CFAP184: variants seen among roughly 807,000 people sequenced by gnomAD.
CFAP184 encodes cilia and flagella associated protein 184.
At chr4:7,041,545 G>T in the CFAP184 span, 2 of 1,614,232 alleles carry the variant, frequency 1.2e-6, no homozygotes, top group Non-Finnish European at 1.7e-6. Context: ...CTCGATTTCT[G>T]CCAGCTGTGT....
chr4:7,042,383 C>G, the CFAP184 span: 1 of 1,612,110 alleles, frequency 6.2e-7, no homozygotes, highest in South Asian at 1.1e-5. Flanking sequence ...CCTTCCCCAT[C>G]CCTCTCCTTG....
chr4:7,041,497 G>T, the CFAP184 span: 1 of 1,614,220 alleles, frequency 6.2e-7, no homozygotes, highest in Non-Finnish European at 8.5e-7. Context: ...GGCTTGCTTC[G>T]TCTTGGTCAG....
chr4:7,042,702 C>A, the CFAP184 span: 3 of 1,512,136 alleles, frequency 2.0e-6, no homozygotes, highest in Middle Eastern at 2.0e-4. Context: ...CCTCCTCGCC[C>A]GCAGCCTCGG....
At chr4:7,041,431 C>A in the CFAP184 span, 17 of 1,614,118 alleles carry the variant, frequency 1.1e-5, no homozygotes, top group Non-Finnish European at 1.4e-5. Context: ...TGAGTCCTTG[C>A]CTAGAAGGCC....
the CFAP184 span, chr4:7,041,554 G>C: frequency 6.2e-7 from 1 of 1,614,248 alleles, no homozygotes; most frequent in Non-Finnish European, 8.5e-7. Context: ...TGCCAGCTGT[G>C]TCTTTTTGCA....
chr4:7,041,391 G>C, the CFAP184 span: 2 of 1,614,106 alleles, frequency 1.2e-6, no homozygotes, highest in Non-Finnish European at 1.7e-6. Context: ...GTTCGGTCTT[G>C]TCCACCTTTT....
At chr4:7,041,711 G>C in the CFAP184 span, 9 of 1,614,198 alleles carry the variant, frequency 5.6e-6, no homozygotes, top group South Asian at 6.6e-5. Context: ...ATCTTCAGCT[G>C]TTCAAAGTCA....
chr4:7,042,710 C>G, the CFAP184 span: 1 of 1,513,822 alleles, frequency 6.6e-7, no homozygotes, highest in South Asian at 1.2e-5. Flanking sequence ...CCCGCAGCCT[C>G]GGCTGCCGTT....
chr4:7,042,531 C>T, the CFAP184 span: 7 of 1,598,552 alleles, frequency 4.4e-6, no homozygotes, highest in Admixed American at 6.8e-5. Flanking sequence ...ACCTGACTTC[C>T]TTCCCCTCTG....
At chr4:7,042,869 G>A in the CFAP184 span, 2 of 1,568,148 alleles carry the variant, frequency 1.3e-6, no homozygotes, top group Admixed American at 1.8e-5. Context: ...TTGGACGGCC[G>A]CGCGGCCAGG....
At chr4:7,042,029 A>G in the CFAP184 span, 1 of 1,610,940 alleles carries the variant, frequency 6.2e-7, no homozygotes, top group Non-Finnish European at 8.5e-7. Context: ...TGGTGGTACC[A>G]CTGCAGGTCG....
At chr4:7,041,850 C>A in the CFAP184 span, 1 of 1,610,090 alleles carries the variant, frequency 6.2e-7, no homozygotes, top group Non-Finnish European at 8.5e-7. Context: ...TATCCTCCAA[C>A]GCCTGGATCT....
the CFAP184 span, chr4:7,042,123 GC>G: frequency 6.2e-7 from 1 of 1,606,634 alleles, no homozygotes. Context: ...CGGCCTCTGC[GC>G]CCCGGTCAGC....
chr4:7,042,364 G>C, the CFAP184 span: 4 of 1,610,356 alleles, frequency 2.5e-6, no homozygotes, highest in Non-Finnish European at 3.4e-6. Context: ...CTGGCTTTTG[G>C]CCGGGCGTCC....
At chr4:7,042,366 C>A in the CFAP184 span, 3 of 1,610,562 alleles carry the variant, frequency 1.9e-6, no homozygotes, top group African/African-American at 2.7e-5. Context: ...GGCTTTTGGC[C>A]GGGCGTCCTT....
chr4:7,042,936 C>T, the CFAP184 span: 41 of 1,435,014 alleles, frequency 2.9e-5, 2 homozygotes, highest in South Asian at 2.5e-4. Flanking sequence ...AGCTGACGTC[C>T]ATCTCCTCCC....
the CFAP184 span, chr4:7,042,746 C>T: frequency 7.9e-6 from 12 of 1,525,638 alleles, no homozygotes; most frequent in East Asian, 1.7e-4. Flanking sequence ...TCGGCCTGCT[C>T]GTCCGCGGCG....
chr4:7,042,796 TCCGGCTCCGACTCCAGCTCC>T, the CFAP184 span: 2 of 1,554,226 alleles, frequency 1.3e-6, no homozygotes, highest in Non-Finnish European at 1.7e-6. Flanking sequence ...CTCCTCCTCC[TCCGGCTCCGACTCCAGCTCC>T]CCGGGTTCGG....
the CFAP184 span, chr4:7,041,397 C>G: frequency 1.9e-6 from 3 of 1,614,124 alleles, no homozygotes; most frequent in African/African-American, 1.3e-5. Context: ...TCTTGTCCAC[C>G]TTTTCTTCCA....
Sources: gnomAD v4.1 joint callset for allele counts on GRCh38, gnomAD v4.1.1 for gene constraint, MANE v1.5 for transcripts, NCBI Gene and HGNC (gene_info 2026-07-23, HGNC 2026-07-21) for gene names.